Variants in MEMO1 observed in about 807,000 individuals in gnomAD.
MEMO1 encodes protein MEMO1.
Under a neutral mutation model 45.2 loss-of-function variants are expected in MEMO1, and 6 were observed. The observed-to-expected ratio is 0.13, with a 90% confidence interval of 0.07 to 0.26. MEMO1 has a LOEUF of 0.26. MEMO1 is among the 10% of genes least tolerant of loss of function. MEMO1 has a pLI of 1.00. For missense variants in MEMO1, 184 were observed against 370.5 expected (o/e 0.50, Z 4.13); for synonymous variants, 78 against 124.3 (o/e 0.63, Z 2.48).
chr2:31,977,779 C>G (rs1188881473), intron 2 of MEMO1, among the ~76,000 whole-genome samples: 1 of 152,264 alleles, frequency 6.6e-6, no homozygotes, highest in East Asian at 1.9e-4. Flanking sequence ...ATGATTCAGC[C>G]TCCCAAAATG....
chr2:31,959,816 C>T (rs1667804017), intron 2 of MEMO1, among the ~76,000 whole-genome samples: 1 of 152,156 alleles, frequency 6.6e-6, no homozygotes. Flanking sequence ...AGAAAGCTAT[C>T]TATTAATGTC....
At chr2:31,978,594 G>A (rs763714171) in intron 2 of MEMO1, among the ~76,000 whole-genome samples, 13 of 152,188 alleles carry the variant, frequency 8.5e-5, no homozygotes, top group East Asian at 5.8e-4. Flanking sequence ...CACCATGACC[G>A]GCTAGTTTTT....
intron 2 of MEMO1, chr2:31,963,212 T>G: frequency 6.5e-7 from 1 of 1,548,196 alleles, no homozygotes; most frequent in South Asian, 1.2e-5. Context: ...ACTGCACATC[T>G]TGGCACTTGT....
rs970619009 is a variant in MEMO1 at position 31,875,812 on chromosome 2, G to A, written c.658-5860C>T. Among the ~76,000 whole-genome samples, 10 of 151,794 alleles carry A rather than the reference G, an allele frequency of 6.6e-5. No homozygotes were observed. The East Asian group carries it at 1.2e-3, about 18-fold the overall frequency. ...AGCGATTCTCCTGCCTCAGCCTCCCGAGTAGCTGGGACTACAGGCATGCAC... is the reference window on the plus strand; with the variant it reads ...AGCGATTCTCCTGCCTCAGCCTCCCAAGTAGCTGGGACTACAGGCATGCAC... On this transcript the variant is annotated intron_variant, in intron 8 of 9. Transcript: ENST00000404530.
intron 8 of MEMO1, among the ~76,000 whole-genome samples, chr2:31,878,613 GGTGTTTGAGCAC>G (rs928816576): frequency 1.2e-4 from 19 of 152,006 alleles, no homozygotes; most frequent in Non-Finnish European, 2.5e-4. Flanking sequence ...AATTATGTAC[GGTGTTTGAGCAC>G]GTGCTTCTGG....
chr2:32,007,670 A>G (rs1674273347), intron 2 of MEMO1, among the ~76,000 whole-genome samples: 1 of 152,218 alleles, frequency 6.6e-6, no homozygotes, highest in South Asian at 2.1e-4. Flanking sequence ...CAGAATGACA[A>G]TCCACAAACA....
chr2:31,880,208 G>A (rs1002642932), intron 8 of MEMO1, among the ~76,000 whole-genome samples: 2 of 152,058 alleles, frequency 1.3e-5, no homozygotes, highest in Admixed American at 6.6e-5. Context: ...TTGCTATATG[G>A]AAAAAGCCAG....
intron 4 of MEMO1, among the ~76,000 whole-genome samples, chr2:31,930,002 G>A (rs1381912834): frequency 1.3e-5 from 2 of 152,244 alleles, no homozygotes; most frequent in Admixed American, 6.5e-5. Flanking sequence ...GCTCATGCCT[G>A]TAATCCCAGC....
At chr2:31,968,053 G>A (rs1668842943) in intron 2 of MEMO1, among the ~76,000 whole-genome samples, 1 of 152,100 alleles carries the variant, frequency 6.6e-6, no homozygotes, top group Non-Finnish European at 1.5e-5. Flanking sequence ...ACTCACAATG[G>A]CCAACCAAAA....
At chr2:31,946,217 G>A (rs1312492342) in intron 2 of MEMO1, among the ~76,000 whole-genome samples, 1 of 151,948 alleles carries the variant, frequency 6.6e-6, no homozygotes, top group East Asian at 1.9e-4. Flanking sequence ...TTTCATTTTT[G>A]TCAATCTGGA....
At chr2:31,941,164 C>T (rs886914399) in intron 3 of MEMO1, among the ~76,000 whole-genome samples, 1 of 152,124 alleles carries the variant, frequency 6.6e-6, no homozygotes, top group Non-Finnish European at 1.5e-5. Flanking sequence ...TGATCTAGCC[C>T]TCCGCTGCCT....
intron 6 of MEMO1, among the ~76,000 whole-genome samples, chr2:31,898,209 A>C (rs1382807898): frequency 6.7e-6 from 1 of 150,098 alleles, no homozygotes; most frequent in Non-Finnish European, 1.5e-5. Context: ...TCGTGTCTCT[A>C]TCTCCTTCAG....
chr2:31,956,746 T>C (rs573083675), intron 2 of MEMO1, among the ~76,000 whole-genome samples: 1 of 152,384 alleles, frequency 6.6e-6, no homozygotes, highest in East Asian at 1.9e-4. Context: ...ACACGCATTA[T>C]ACACAACAGA....
At chr2:31,962,665 T>C (rs1434032165) in intron 2 of MEMO1, among the ~76,000 whole-genome samples, 2 of 152,204 alleles carry the variant, frequency 1.3e-5, no homozygotes, top group Non-Finnish European at 2.9e-5. Flanking sequence ...AGTAAAGCTT[T>C]GAAAAGTATG....
intron 3 of MEMO1, among the ~76,000 whole-genome samples, chr2:31,939,268 GTT>G (rs1325579127): frequency 6.6e-6 from 1 of 152,014 alleles, no homozygotes; most frequent in South Asian, 2.1e-4. Context: ...TTATATTTAT[GTT>G]TTTATATGTT....
chr2:31,901,678 G>A (rs965367791), intron 6 of MEMO1, among the ~76,000 whole-genome samples: 12 of 152,090 alleles, frequency 7.9e-5, no homozygotes, highest in Non-Finnish European at 7.4e-5. Context: ...AGGCTGAGGC[G>A]GGCAGATTGC....
chr2:31,912,332 C>T (rs1407018157), intron 6 of MEMO1, among the ~76,000 whole-genome samples: 1 of 151,502 alleles, frequency 6.6e-6, no homozygotes, highest in Non-Finnish European at 1.5e-5. Flanking sequence ...CAGAGCAAGA[C>T]TCCGCCTCAA....
chr2:31,888,635 T>TG (rs979637567), intron 7 of MEMO1, among the ~76,000 whole-genome samples: 1 of 152,112 alleles, frequency 6.6e-6, no homozygotes, highest in Non-Finnish European at 1.5e-5. Context: ...CACAGACTAG[T>TG]GGCAAATGTC....
intron 7 of MEMO1, among the ~76,000 whole-genome samples, chr2:31,884,935 TA>T (rs58729347): frequency 5.3e-5 from 8 of 150,062 alleles, no homozygotes; most frequent in Admixed American, 1.3e-4. Flanking sequence ...GTCTTTGAAC[TA>T]AAAAAAAAAT....
Sources: allele counts gnomAD v4.1 joint callset (sites outside exome capture counted in the v4.1 genomes callset), GRCh38; gene constraint gnomAD v4.1.1; transcripts MANE v1.5; gene names NCBI Gene and HGNC (gene_info 2026-07-23, HGNC 2026-07-21).